Variants in NEDD4L observed in about 807,000 individuals in gnomAD.
NEDD4L encodes NEDD4 like E3 ubiquitin protein ligase, also known as E3 ubiquitin-protein ligase NEDD4-like.
In NEDD4L, 54 loss-of-function variants were observed where a neutral mutation model predicts 148.9. The observed-to-expected ratio is 0.36, with a 90% confidence interval of 0.29 to 0.45. NEDD4L has a LOEUF of 0.45. NEDD4L is among the 20% of genes least tolerant of loss of function. NEDD4L has a pLI of 1.00. For synonymous variants in NEDD4L, 433 were observed against 440.7 expected, an observed-to-expected ratio of 0.98 and a Z score of 0.22; for missense variants, 856 against 1,233.8, an observed-to-expected ratio of 0.69 and a Z score of 4.59.
chr18:58,343,711 T>G (rs1450448360), intron 16 of NEDD4L, among the ~76,000 whole-genome samples: 2 of 152,248 alleles, frequency 1.3e-5, no homozygotes, highest in Non-Finnish European at 2.9e-5. Context: ...TCCTGAATTG[T>G]ACCCAAGAAA....
At chr18:58,192,860 A>G (rs909835600) in intron 2 of NEDD4L, among the ~76,000 whole-genome samples, 11 of 152,186 alleles carry the variant, frequency 7.2e-5, no homozygotes, top group East Asian at 1.9e-4. Flanking sequence ...AGATGTGAAA[A>G]AAAGAAAGAA....
At chr18:58,148,163 CT>C (rs58114617) in intron 1 of NEDD4L, among the ~76,000 whole-genome samples, 80,582 of 141,836 alleles carry the variant, frequency 0.57, 22,064 homozygotes, top group African/African-American at 0.64. Context: ...CCACACTGTT[CT>C]TTTTTTTTTT....
chr18:58,141,556 C>G (rs891654393), intron 1 of NEDD4L, among the ~76,000 whole-genome samples: 3 of 152,020 alleles, frequency 2.0e-5, no homozygotes, highest in Non-Finnish European at 4.4e-5. Flanking sequence ...TACTCCTATT[C>G]TGAAAGCAGG....
intron 2 of NEDD4L, among the ~76,000 whole-genome samples, chr18:58,204,493 A>G (rs942301963): frequency 6.6e-6 from 1 of 152,218 alleles, no homozygotes; most frequent in South Asian, 2.1e-4. Context: ...TAAAGGAGTA[A>G]AGTAAGTCCG....
chr18:58,378,938 G>A (rs1308375042), intron 24 of NEDD4L, among the ~76,000 whole-genome samples: 3 of 152,252 alleles, frequency 2.0e-5, no homozygotes, highest in Admixed American at 2.0e-4. Context: ...CTGTGAGGAA[G>A]AGAGCCAAGT....
At chr18:58,325,567 A>C (rs1290656246) in intron 9 of NEDD4L, among the ~76,000 whole-genome samples, 1 of 152,194 alleles carries the variant, frequency 6.6e-6, no homozygotes, top group Non-Finnish European at 1.5e-5. Flanking sequence ...TGTTTTCTCT[A>C]AGTTTTTGGA....
Position 58,171,477 on chromosome 18 carries a change from C to T in NEDD4L, c.122+5616C>T, listed in dbSNP as rs115590102. Among the ~76,000 whole-genome samples the T allele has an allele frequency of 5.2e-3, 796 of 152,030 alleles. 28 individuals carry two copies. The highest frequency in any genetic ancestry group is 0.018 in the African/African-American group (747 of 41,256). On this transcript the variant is annotated intron_variant, in intron 2 of 30. Coordinates refer to ENST00000400345, the MANE Select transcript of NEDD4L (RefSeq NM_001144967.3). ...CCCAGCCCAAGGGGACAGAACACTGCTGCTCCTGGGGCTGTAGTGGGTGTA... is the reference window on the plus strand; with the variant it reads ...CCCAGCCCAAGGGGACAGAACACTGTTGCTCCTGGGGCTGTAGTGGGTGTA...
intron 2 of NEDD4L, among the ~76,000 whole-genome samples, chr18:58,205,162 C>T (rs2041852382): frequency 6.6e-6 from 1 of 152,176 alleles, no homozygotes; most frequent in Non-Finnish European, 1.5e-5. Context: ...GTGTTTCCTG[C>T]TTTTGAGGTT....
rs145452077 is a variant in NEDD4L at position 58,292,652 on chromosome 18, G to T, written c.298-23330G>T. 5.4e-3 allele frequency among the ~76,000 whole-genome samples: 823 copies of T among 152,332 alleles called. 10 individuals are homozygous for T. Among genetic ancestry groups the T allele is most frequent in the African/African-American group, 0.019 (784 of 41,574 alleles). ...TTTGCATCCTTTTCTCAAAGCTCCT[G>T]TGAGGCCAGGGATGGTTTTATGCCT... On this transcript the variant is annotated intron_variant, in intron 5 of 30. Transcript: ENST00000400345.
chr18:58,318,088 C>T (rs980318186), intron 6 of NEDD4L, among the ~76,000 whole-genome samples: 9 of 152,146 alleles, frequency 5.9e-5, no homozygotes, highest in Admixed American at 3.9e-4. Flanking sequence ...ATTACAGTGG[C>T]ATTCTGTTTG....
intron 16 of NEDD4L, among the ~76,000 whole-genome samples, chr18:58,343,483 C>T (rs3865420): frequency 0.81 from 122,667 of 152,206 alleles, 49,626 homozygotes; most frequent in East Asian, 0.96. Context: ...TCAGTTTCTT[C>T]TTGCACTTTC....
chr18:58,113,856 G>A (rs960373611), intron 1 of NEDD4L, among the ~76,000 whole-genome samples: 1 of 152,088 alleles, frequency 6.6e-6, no homozygotes, highest in Non-Finnish European at 1.5e-5. Context: ...AGATGCAGGG[G>A]GACAAGTTAT....
intron 2 of NEDD4L, among the ~76,000 whole-genome samples, chr18:58,185,859 G>A (rs2039408959): frequency 6.6e-6 from 1 of 151,020 alleles, no homozygotes; most frequent in South Asian, 2.1e-4. Context: ...GGCAAAAAGA[G>A]CAAAACTCTG....
chr18:58,189,524 A>G (rs764411426), intron 2 of NEDD4L, among the ~76,000 whole-genome samples: 4 of 152,252 alleles, frequency 2.6e-5, no homozygotes, highest in Admixed American at 6.5e-5. Context: ...CAAGTTCAGA[A>G]CAAGTGCATC....
chr18:58,049,592 G>A (rs1293867040), intron 1 of NEDD4L, among the ~76,000 whole-genome samples: 2 of 152,194 alleles, frequency 1.3e-5, no homozygotes, highest in Non-Finnish European at 2.9e-5. Context: ...TATAGGTAAT[G>A]TTTGAGAAAC....
rs138225229 is a variant in NEDD4L, at chr18:58,121,403, T to G, written c.49-44385T>G. On this transcript the variant is annotated intron_variant, in intron 1 of 30. Coordinates refer to ENST00000400345, the MANE Select transcript of NEDD4L (RefSeq NM_001144967.3). ...CTGTCTGTAGCAAGTTTTGTTCAGT[T>G]GTTAATCTTTCTTTCTTTTCTTTCA... 8.5e-5 allele frequency among the ~76,000 whole-genome samples: 13 copies of G among 152,256 alleles called. No individual in the cohort carries two copies. The East Asian group carries it at 2.5e-3, about 29-fold the overall frequency.
intron 1 of NEDD4L, among the ~76,000 whole-genome samples, chr18:58,129,544 A>G (rs555032074): frequency 2.6e-5 from 4 of 152,312 alleles, no homozygotes; most frequent in South Asian, 2.1e-4. Context: ...TGGAGGAATC[A>G]TGTGTTTCAG....
intron 1 of NEDD4L, among the ~76,000 whole-genome samples, chr18:58,100,108 C>T (rs762973546): frequency 8.5e-5 from 13 of 152,094 alleles, no homozygotes; most frequent in Non-Finnish European, 8.8e-5. Context: ...GATGCATCCT[C>T]GGGCTCGGTA....
At chr18:58,129,506 T>C (rs904225004) in intron 1 of NEDD4L, among the ~76,000 whole-genome samples, 6 of 152,234 alleles carry the variant, frequency 3.9e-5, no homozygotes, top group Admixed American at 2.0e-4. Flanking sequence ...AACTTGGTTT[T>C]CTACTTGCTT....
Sources: allele counts gnomAD v4.1 joint callset (sites outside exome capture counted in the v4.1 genomes callset), GRCh38; gene constraint gnomAD v4.1.1; transcripts MANE v1.5; gene names NCBI Gene and HGNC (gene_info 2026-07-23, HGNC 2026-07-21).